Variants in NRXN3 observed in about 807,000 individuals in gnomAD.
NRXN3 encodes the protein neurexin 3.
A neutral mutation model predicts 137.6 loss-of-function variants in NRXN3; 32 were observed. The observed-to-expected ratio is 0.23, with a 90% CI of 0.18 to 0.31. The LOEUF is 0.31. Ranked by LOEUF, NRXN3 falls within the 10% of genes least tolerant of loss-of-function variation. NRXN3 has a pLI of 1.00. For missense variants in NRXN3, 1,574 were observed against 2,062.5 expected, an observed-to-expected ratio of 0.76 and a Z score of 4.59; for synonymous variants, 798 against 784.5, an observed-to-expected ratio of 1.02 and a Z score of -0.29.
At chr14:79,701,538 TG>T (rs2098754616) in intron 19 of NRXN3, among the ~76,000 whole-genome samples, 1 of 152,064 alleles carries the variant, frequency 6.6e-6, no homozygotes, top group Non-Finnish European at 1.5e-5. Context: ...ATTCTCCTTG[TG>T]GTTTCTCCAG....
intron 17 of NRXN3, among the ~76,000 whole-genome samples, chr14:79,679,268 A>G (rs1221669874): frequency 6.6e-6 from 1 of 152,188 alleles, no homozygotes; most frequent in Non-Finnish European, 1.5e-5. Context: ...ATGGGCAAAT[A>G]TAAAAAGTAT....
intron 4 of NRXN3, among the ~76,000 whole-genome samples, chr14:78,613,577 A>ATTTT: frequency 8.5e-6 from 1 of 118,316 alleles, no homozygotes; most frequent in African/African-American, 3.7e-5. Context: ...TCACAACCAT[A>ATTTT]GTTTTTTTTT....
chr14:79,731,643 C>CTTTT (rs530011034), intron 19 of NRXN3, among the ~76,000 whole-genome samples: 1 of 140,098 alleles, frequency 7.1e-6, no homozygotes, highest in Non-Finnish European at 1.5e-5. Flanking sequence ...TCCCTTCCTT[C>CTTTT]TTTTTTTTTT....
chr14:79,700,402 C>T (rs907236428), intron 19 of NRXN3, among the ~76,000 whole-genome samples: 3 of 152,048 alleles, frequency 2.0e-5, no homozygotes, highest in Non-Finnish European at 4.4e-5. Flanking sequence ...TGAAATCATA[C>T]ATAGAACATT....
At chr14:78,859,249 A>G (rs1410372459) in intron 10 of NRXN3, among the ~76,000 whole-genome samples, 1 of 152,144 alleles carries the variant, frequency 6.6e-6, no homozygotes. Flanking sequence ...TTGAGGAACT[A>G]TGAGTCAATT....
intron 15 of NRXN3, among the ~76,000 whole-genome samples, chr14:79,444,023 G>T (rs2096012899): frequency 6.6e-6 from 1 of 152,184 alleles, no homozygotes. Context: ...GGCACTGGGG[G>T]TTCAGAGCCG....
At chr14:78,214,144 T>G (rs1024594166) in intron 1 of NRXN3, among the ~76,000 whole-genome samples, 1 of 152,224 alleles carries the variant, frequency 6.6e-6, no homozygotes, top group Admixed American at 6.5e-5. Context: ...TTTCTAGCCC[T>G]CCATTCTTAT....
intron 16 of NRXN3, among the ~76,000 whole-genome samples, chr14:79,497,073 G>T (rs1402292876): frequency 6.6e-6 from 1 of 152,176 alleles, no homozygotes; most frequent in African/African-American, 2.4e-5. Context: ...GTGATAAGTG[G>T]CAGAGCAGAG....
intron 10 of NRXN3, among the ~76,000 whole-genome samples, chr14:78,897,364 T>G (rs1210469217): frequency 1.3e-4 from 19 of 151,632 alleles, no homozygotes; most frequent in Non-Finnish European, 2.9e-5. Context: ...TTTTCTTTCT[T>G]TTTTTTTGAC....
chr14:78,206,266 C>T (rs77465650), intron 1 of NRXN3, among the ~76,000 whole-genome samples: 3,501 of 152,262 alleles, frequency 0.023, 113 homozygotes, highest in African/African-American at 0.067. Flanking sequence ...TTCCCAGGTG[C>T]TCACACCATT....
rs115005516 is a variant in NRXN3 at position 79,693,836 on chromosome 14, G to A, written c.3706+1574G>A. Among the ~76,000 whole-genome samples the A allele has an allele frequency of 6.2e-3, 940 of 151,938 alleles. 6 individuals are homozygous for A. Among genetic ancestry groups the A allele is most frequent in the African/African-American group, 0.022 (908 of 41,458 alleles). ...AGATATCCTAGTTTCTTAAATATAT[G>A]TATGATTATATATGCATATAAATCT... is the stretch of plus-strand genomic sequence containing the variant. On this transcript the variant is annotated intron_variant, in intron 18 of 20. Coordinates refer to ENST00000335750, the MANE Select transcript of NRXN3 (RefSeq NM_001330195.2).
chr14:79,691,668 T>C (rs1333071212), intron 17 of NRXN3, among the ~76,000 whole-genome samples: 2 of 152,022 alleles, frequency 1.3e-5, no homozygotes, highest in African/African-American at 4.8e-5. Context: ...CTTTCCCCTG[T>C]CGGAACATAA....
intron 15 of NRXN3, among the ~76,000 whole-genome samples, chr14:79,455,474 G>C (rs1411160456): frequency 6.6e-6 from 1 of 152,056 alleles, no homozygotes; most frequent in Non-Finnish European, 1.5e-5. Flanking sequence ...TATGTTGAAA[G>C]GTAGATGAAA....
chr14:79,009,706 AG>A (rs2152387841), intron 15 of NRXN3, among the ~76,000 whole-genome samples: 1 of 152,246 alleles, frequency 6.6e-6, no homozygotes, highest in Non-Finnish European at 1.5e-5. Flanking sequence ...TAAACAGAAA[AG>A]GGTAGTTTGA....
intron 20 of NRXN3, among the ~76,000 whole-genome samples, chr14:79,831,345 T>C (rs1359085067): frequency 1.3e-5 from 2 of 152,190 alleles, no homozygotes; most frequent in Admixed American, 6.5e-5. Context: ...CGTACAAGAA[T>C]GTTAATGCAG....
chr14:78,617,262 T>C (rs190930472), intron 4 of NRXN3, among the ~76,000 whole-genome samples: 9 of 152,274 alleles, frequency 5.9e-5, no homozygotes, highest in East Asian at 1.9e-4. Flanking sequence ...CCACTCCCCA[T>C]TGGGTGGCTA....
chr14:78,398,004 C>G (rs951918624), intron 4 of NRXN3, among the ~76,000 whole-genome samples: 2 of 150,768 alleles, frequency 1.3e-5, no homozygotes, highest in Non-Finnish European at 3.0e-5. Context: ...CACCTGAGGT[C>G]AGGAGTTCGA....
chr14:78,721,857 G>GT (rs563819567), intron 8 of NRXN3, among the ~76,000 whole-genome samples: 77 of 149,982 alleles, frequency 5.1e-4, no homozygotes, highest in East Asian at 2.9e-3. Context: ...TTTTTTGTTT[G>GT]TTTTTTTGCT....
chr14:78,863,205 C>T (rs758992346), intron 10 of NRXN3, among the ~76,000 whole-genome samples: 13 of 152,126 alleles, frequency 8.5e-5, no homozygotes, highest in Non-Finnish European at 1.6e-4. Context: ...AACTGATTTA[C>T]TGAATTTATA....
Sources: gnomAD v4.1 joint callset for allele counts (sites outside exome capture counted in the v4.1 genomes callset) on GRCh38, gnomAD v4.1.1 for gene constraint, MANE v1.5 for transcripts, NCBI Gene and HGNC (gene_info 2026-07-23, HGNC 2026-07-21) for gene names.